The following GPHN variants were observed in gnomAD, a reference collection of about 807,000 sequenced individuals.
The protein encoded by GPHN is gephyrin.
GPHN carries 17 observed loss-of-function variants against 95.5 expected under a neutral mutation model. The ratio of observed to expected loss-of-function variants is 0.18; its 90% CI spans 0.12 to 0.27. The LOEUF (loss-of-function observed/expected upper bound fraction) is 0.27, where lower values mean the gene tolerates loss of function less well. GPHN is among the 10% of genes least tolerant of loss of function. GPHN has a pLI of 1.00. For missense variants in GPHN, 660 were observed against 978.1 expected (o/e 0.67, Z 4.34); for synonymous variants, 320 against 322.5 (o/e 0.99, Z 0.08).
intron 17 of GPHN, among the ~76,000 whole-genome samples, 190 bp downstream of exon 17, chr14:67,122,567 C>G (rs2153692411): frequency 6.6e-6 from 1 of 152,288 alleles, no homozygotes; most frequent in Admixed American, 6.5e-5. Context: ...TGGAATGTCT[C>G]TGAAAACAAG....
the GPHN span, among the ~76,000 whole-genome samples, chr14:67,349,302 A>G: frequency 2.6e-5 from 4 of 152,254 alleles, no homozygotes; most frequent in Non-Finnish European, 4.4e-5. Context: ...AGAATGAACA[A>G]TATTCAAAAC....
At chr14:67,568,733 A>T in the GPHN span, among the ~76,000 whole-genome samples, 3 of 152,066 alleles carry the variant, frequency 2.0e-5, no homozygotes, top group Non-Finnish European at 4.4e-5. Context: ...CAATATCCCC[A>T]ACTTCTGGGG....
chr14:66,976,127 CAG>C (rs1328808679), intron 9 of GPHN, among the ~76,000 whole-genome samples: 2 of 152,090 alleles, frequency 1.3e-5, no homozygotes, highest in South Asian at 2.1e-4. Flanking sequence ...GTACTAGAGA[CAG>C]AGATTATTAA....
At chr14:66,799,619 G>A (rs1450652626) in intron 3 of GPHN, among the ~76,000 whole-genome samples, 1 of 151,860 alleles carries the variant, frequency 6.6e-6, no homozygotes, top group African/African-American at 2.4e-5. Flanking sequence ...TCTGATATAA[G>A]TGTATCAATT....
the GPHN span, among the ~76,000 whole-genome samples, chr14:67,229,826 G>A: frequency 6.6e-6 from 1 of 152,078 alleles, no homozygotes; most frequent in Admixed American, 6.6e-5. Flanking sequence ...AAAAAATGTG[G>A]CTCATGATAG....
chr14:67,608,977 T>C, the GPHN span, among the ~76,000 whole-genome samples: 1 of 152,208 alleles, frequency 6.6e-6, no homozygotes, highest in Non-Finnish European at 1.5e-5. Flanking sequence ...ACTATCCACC[T>C]GGAAGTCACG....
chr14:66,599,718 TAGAAG>T (rs1290713260), intron 1 of GPHN, among the ~76,000 whole-genome samples: 4 of 152,118 alleles, frequency 2.6e-5, no homozygotes, highest in African/African-American at 9.6e-5. Context: ...TATTAAATAA[TAGAAG>T]AGATAGTGGA....
chr14:66,639,121 A>AATATATATATATATAT (rs4058479), intron 1 of GPHN, among the ~76,000 whole-genome samples: 4,384 of 145,870 alleles, frequency 0.03, 112 homozygotes, highest in African/African-American at 0.067. Context: ...ACTGAAGGTA[A>AATATATATATATATAT]ATATATATAT....
chr14:66,674,393 G>A (rs1595497670), intron 1 of GPHN, among the ~76,000 whole-genome samples: 2 of 151,984 alleles, frequency 1.3e-5, no homozygotes, highest in African/African-American at 4.8e-5. Flanking sequence ...CACTGCGCCT[G>A]GTCCTTACTC....
the GPHN span, chr14:67,575,659 T>A: frequency 1.4e-6 from 1 of 705,710 alleles, no homozygotes; most frequent in African/African-American, 1.8e-5. Context: ...CAAGCAAGCC[T>A]CATTCTGCTG....
the GPHN span, among the ~76,000 whole-genome samples, chr14:67,675,192 C>T: frequency 6.6e-6 from 1 of 152,176 alleles, no homozygotes; most frequent in East Asian, 1.9e-4. Flanking sequence ...TCTTGGAAGG[C>T]CCAGCGGCTC....
At chr14:66,715,094 A>G (rs535184282) in intron 2 of GPHN, among the ~76,000 whole-genome samples, 3 of 152,128 alleles carry the variant, frequency 2.0e-5, no homozygotes, top group Non-Finnish European at 4.4e-5. Flanking sequence ...TCAGCTGTGA[A>G]TCTGTCTGGT....
chr14:66,890,645 C>T (rs557162180), intron 5 of GPHN, among the ~76,000 whole-genome samples: 39 of 152,070 alleles, frequency 2.6e-4, no homozygotes, highest in African/African-American at 8.4e-4. Context: ...GCCAATATCC[C>T]TTAATGAATG....
chr14:67,347,578 C>T, the GPHN span: 177 of 750,666 alleles, frequency 2.4e-4, 4 homozygotes, highest in African/African-American at 1.7e-3. Context: ...CTCGCCTCAC[C>T]GCAACCTCTG....
chr14:66,750,341 C>G (rs1231877891), intron 2 of GPHN, among the ~76,000 whole-genome samples: 1 of 151,822 alleles, frequency 6.6e-6, no homozygotes, highest in African/African-American at 2.4e-5. Flanking sequence ...CATTCCTTGG[C>G]TGGGATTCCA....
chr14:66,846,058 G>A (rs1205849467), intron 4 of GPHN, among the ~76,000 whole-genome samples: 1 of 152,162 alleles, frequency 6.6e-6, no homozygotes, highest in Non-Finnish European at 1.5e-5. Context: ...TAGGAAAGCA[G>A]TTTAAAACTG....
the GPHN span, among the ~76,000 whole-genome samples, chr14:67,414,174 T>G: frequency 2.0e-5 from 3 of 152,130 alleles, no homozygotes; most frequent in Non-Finnish European, 2.9e-5. Flanking sequence ...CAGGAGGGGT[T>G]CTTGAATGAA....
chr14:67,641,131 C>CT, the GPHN span, among the ~76,000 whole-genome samples: 1 of 152,082 alleles, frequency 6.6e-6, no homozygotes, highest in Non-Finnish European at 1.5e-5. Flanking sequence ...ATAGTGACAC[C>CT]TTTGTTTTCT....
chr14:67,121,521 G>T (rs931517272), intron 16 of GPHN, among the ~76,000 whole-genome samples: 9 of 152,206 alleles, frequency 5.9e-5, no homozygotes, highest in Admixed American at 5.9e-4. Context: ...TTACGACAAA[G>T]AATTTTGTCA....
Sources: gnomAD v4.1 joint callset for allele counts (sites outside exome capture counted in the v4.1 genomes callset) on GRCh38, gnomAD v4.1.1 for gene constraint, MANE v1.5 for transcripts, NCBI Gene and HGNC (gene_info 2026-07-23, HGNC 2026-07-21) for gene names.